The following TG variants were observed in gnomAD, a reference collection of about 807,000 sequenced individuals.
TG encodes the protein thyroglobulin, also known as thyroid hormones.
TG carries 270 observed loss-of-function variants against 324.7 expected under a neutral mutation model. The ratio of observed to expected loss-of-function variants is 0.83; its 90% CI spans 0.75 to 0.92. TG has a LOEUF of 0.92. TG is among the 40% of genes least tolerant of loss of function. The pLI, the probability that TG is intolerant of heterozygous loss-of-function variation, is 0.00. For synonymous variants in TG, 1,401 were observed against 1,327.0 expected, an observed-to-expected ratio of 1.06 and a Z score of -1.21; for missense variants, 3,591 against 3,456.4, an observed-to-expected ratio of 1.04 and a Z score of -0.98.
rs1238418511 is a variant in TG, at chr8:132,901,482, G to C, written c.3563G>C (p.Cys1188Ser). 6.2e-7 allele frequency: 1 copy of C among 1,614,070 alleles called. No individual in the cohort carries two copies. The highest frequency in any genetic ancestry group is 8.5e-7 in the Non-Finnish European group (1 of 1,180,060). ...CAATGTGACCAGGCCCAGGGCAGCTGCTGGTGTGTCATGGACAGCGGAGAA... is the reference window on the plus strand; with the variant it reads ...CAATGTGACCAGGCCCAGGGCAGCTCCTGGTGTGTCATGGACAGCGGAGAA... Reference protein sequence around the residue: ...PVQCDQAQGSCWCVMDSGEEV... With the variant: ...PVQCDQAQGSSWCVMDSGEEV... Residue 1188 changes from cysteine to serine, a missense_variant, in exon 16 of 48, where the codon TGC becomes TCC. By Grantham distance (112) the Cys-to-Ser change is moderately radical (BLOSUM62 -1). Coordinates refer to ENST00000220616, the MANE Select transcript of TG (RefSeq NM_003235.5).
intron 41 of TG, among the ~76,000 whole-genome samples, chr8:133,069,775 C>T (rs527830409): frequency 4.0e-5 from 6 of 151,800 alleles, no homozygotes; most frequent in East Asian, 1.9e-4. Flanking sequence ...CTGAGGCAGG[C>T]GGATCATTTG....
intron 5 of TG, among the ~76,000 whole-genome samples, chr8:132,877,399 AAAGTGCTGGGATTACAGG>A (rs1432870969): frequency 2.6e-5 from 4 of 152,188 alleles, no homozygotes; most frequent in African/African-American, 9.6e-5. Flanking sequence ...TCAGCCTCCC[AAAGTGCTGGGATTACAGG>A]TGTGAGCCAT....
chr8:132,913,012 TG>T, intron 19 of TG, 34 bp from the exon 20 acceptor site: 1 of 1,603,852 alleles, frequency 6.2e-7, no homozygotes, highest in Non-Finnish European at 8.5e-7. Flanking sequence ...CAGAGTACAG[TG>T]GGGGTGACCT....
intron 45 of TG, among the ~76,000 whole-genome samples, chr8:133,127,809 T>C (rs1157010561): frequency 1.3e-5 from 2 of 152,074 alleles, no homozygotes; most frequent in Non-Finnish European, 2.9e-5. Context: ...CTGCCCTGGC[T>C]CTCCTTGTGC....
At chr8:133,052,378 G>A (rs73708822) in intron 41 of TG, among the ~76,000 whole-genome samples, 1 of 152,188 alleles carries the variant, frequency 6.6e-6, no homozygotes, top group Non-Finnish European at 1.5e-5. Context: ...AAGAGTTTCT[G>A]GGTGTAAGAC....
intron 26 of TG, among the ~76,000 whole-genome samples, chr8:132,944,051 C>A (rs986462036): frequency 6.6e-6 from 1 of 152,128 alleles, no homozygotes; most frequent in Non-Finnish European, 1.5e-5. Context: ...CTTGGACATC[C>A]GTTAGGAATC....
chr8:132,879,953 G>C (rs556988959), intron 5 of TG, among the ~76,000 whole-genome samples: 1 of 152,224 alleles, frequency 6.6e-6, no homozygotes, highest in Non-Finnish European at 1.5e-5. Context: ...TGGAACTAGA[G>C]TGATTTAAAC....
chr8:132,947,757 G>A (rs1052939234), intron 26 of TG, among the ~76,000 whole-genome samples: 1 of 151,976 alleles, frequency 6.6e-6, no homozygotes, highest in Non-Finnish European at 1.5e-5. Flanking sequence ...TAACTTACAT[G>A]AGACTCAGTT....
intron 46 of TG, among the ~76,000 whole-genome samples, chr8:133,132,329 G>T (rs953600420): frequency 6.6e-6 from 1 of 152,200 alleles, no homozygotes; most frequent in African/African-American, 2.4e-5. Flanking sequence ...GCCCAGTTTT[G>T]AGAACCAAGC....
intron 29 of TG, among the ~76,000 whole-genome samples, chr8:132,966,129 A>G (rs995712102): frequency 2.0e-5 from 3 of 152,224 alleles, no homozygotes; most frequent in African/African-American, 4.8e-5. Flanking sequence ...CAAAGTTACA[A>G]AAAGAGGACT....
At chr8:132,910,669 A>G (rs3847173) in intron 18 of TG, among the ~76,000 whole-genome samples, 21,492 of 152,170 alleles carry the variant, frequency 0.14, 2,214 homozygotes, top group African/African-American at 0.29. Flanking sequence ...CCTTCACCAC[A>G]CATGGCTGAC....
At chr8:132,924,694 C>T (rs1324536270) in intron 22 of TG, among the ~76,000 whole-genome samples, 2 of 152,138 alleles carry the variant, frequency 1.3e-5, no homozygotes, top group East Asian at 3.8e-4. Flanking sequence ...GTAGTTTAAT[C>T]CCAGTGGTGC....
At chr8:132,925,350 CACAT>C (rs906283570) in intron 22 of TG, among the ~76,000 whole-genome samples, 1 of 152,192 alleles carries the variant, frequency 6.6e-6, no homozygotes, top group Admixed American at 6.5e-5. Context: ...AACATATCCT[CACAT>C]ACACACACAT....
chr8:133,114,469 C>T (rs1850530842), intron 44 of TG, among the ~76,000 whole-genome samples: 1 of 152,206 alleles, frequency 6.6e-6, no homozygotes, highest in Non-Finnish European at 1.5e-5. Context: ...AGAACTTTTA[C>T]AGAAATGCAC....
At chr8:132,983,512 A>G in intron 35 of TG, 100 bp downstream of exon 35, 1 of 1,173,800 alleles carries the variant, frequency 8.5e-7, no homozygotes, top group South Asian at 1.2e-5. Context: ...GATAGCTTGC[A>G]TATCACTCGC....
intron 45 of TG, among the ~76,000 whole-genome samples, chr8:133,128,902 C>T (rs145806953): frequency 3.9e-5 from 6 of 152,342 alleles, no homozygotes; most frequent in South Asian, 2.1e-4. Context: ...CATGAGCACA[C>T]GTGAACTGCC....
chr8:132,932,104 T>C (rs1288213121), intron 23 of TG, among the ~76,000 whole-genome samples: 1 of 129,198 alleles, frequency 7.7e-6, no homozygotes, highest in African/African-American at 2.7e-5. Context: ...AAAAAATATT[T>C]TAAAACAGAA....
rs61741644 is a variant in TG at position 132,886,736 on chromosome 8, G to T, written c.1364G>T (p.Arg455Leu). 5.6e-6 allele frequency: 9 copies of T among 1,614,054 alleles called. No individual in the cohort carries two copies. The South Asian group carries it at 7.7e-5, about 14-fold the overall frequency. ...ATTTTTCCCTCCCGAGGGCTGGCTCGTCTTGCCCTTCAGTTTACCACCAAC... is the reference window on the plus strand; with the variant it reads ...ATTTTTCCCTCCCGAGGGCTGGCTCTTCTTGCCCTTCAGTTTACCACCAAC... ...RAIFPSRGLARLALQFTTNPK... is the reference protein window; with the variant it reads ...RAIFPSRGLALLALQFTTNPK... Residue 455 changes from arginine to leucine, a missense_variant, in exon 9 of 48, where the codon CGT becomes CTT. By Grantham distance (102) the Arg-to-Leu change is moderately radical. Transcript: ENST00000220616.
chr8:132,885,702 C>G (rs1563907334), intron 8 of TG, among the ~76,000 whole-genome samples: 1 of 152,206 alleles, frequency 6.6e-6, no homozygotes, highest in Non-Finnish European at 1.5e-5. Context: ...GCTGCCACAA[C>G]AAGTCACCAC....
Sources: allele counts gnomAD v4.1 joint callset (sites outside exome capture counted in the v4.1 genomes callset), GRCh38; gene constraint gnomAD v4.1.1; transcripts MANE v1.5; gene names NCBI Gene and HGNC (gene_info 2026-07-23, HGNC 2026-07-21).